The following CTXND2 variants were observed in gnomAD, a reference collection of about 807,000 sequenced individuals.
CTXND2 encodes cortexin domain containing 2.
chr1:150,903,605 C>G (rs587593945), intron 1 of CTXND2, among the ~76,000 whole-genome samples: 4 of 152,148 alleles, frequency 2.6e-5, no homozygotes, highest in African/African-American at 9.6e-5. Context: ...CAAGACCAGC[C>G]TGGCCAACAT....
chr1:150,911,174 C>G (rs997854818), intron 1 of CTXND2, among the ~76,000 whole-genome samples: 3 of 149,534 alleles, frequency 2.0e-5, no homozygotes, highest in Non-Finnish European at 4.4e-5. Flanking sequence ...TGTTGAACTC[C>G]TGACCTCAAG....
chr1:150,889,441 T>C (rs963435948), intron 1 of CTXND2, among the ~76,000 whole-genome samples: 9 of 151,872 alleles, frequency 5.9e-5, no homozygotes, highest in African/African-American at 1.9e-4. Flanking sequence ...AATAATTCTA[T>C]GAATGGCATC....
At chr1:150,905,045 G>A (rs1344789563) in intron 1 of CTXND2, among the ~76,000 whole-genome samples, 1 of 119,862 alleles carries the variant, frequency 8.3e-6, no homozygotes, top group African/African-American at 3.2e-5. Context: ...CATAAGACAA[G>A]ATAATCAAAA....
At chr1:150,904,228 CTTAT>C in intron 1 of CTXND2, 1 of 593,326 alleles carries the variant, frequency 1.7e-6, no homozygotes, top group Non-Finnish European at 3.1e-6. Flanking sequence ...TGGCCACTGC[CTTAT>C]TTATTACAAA....
At chr1:150,912,590 C>G (rs1225057042) in exon 2 of CTXND2, 1 of 397,104 alleles carries the variant, frequency 2.5e-6, no homozygotes, top group Admixed American at 4.4e-5. Context: ...CTCTTGCATT[C>G]CACAGTGAGA....
At chr1:150,905,769 T>G (rs1168526486) in intron 1 of CTXND2, among the ~76,000 whole-genome samples, 3 of 146,304 alleles carry the variant, frequency 2.1e-5, no homozygotes, top group African/African-American at 7.6e-5. Context: ...GACGGGCAGA[T>G]CACGAGGTCA....
chr1:150,898,933 T>A (rs71515779), intron 1 of CTXND2, among the ~76,000 whole-genome samples: 45,640 of 110,038 alleles, frequency 0.41, 7,824 homozygotes, highest in South Asian at 0.58. Flanking sequence ...AAAAAAAAAA[T>A]ATATATATAT....
intron 1 of CTXND2, among the ~76,000 whole-genome samples, chr1:150,887,537 T>C (rs1668789370): frequency 6.6e-6 from 1 of 152,114 alleles, no homozygotes; most frequent in Admixed American, 6.6e-5. Flanking sequence ...AAGCAACCCG[T>C]CTGTCTCAGC....
At chr1:150,907,919 C>G (rs1324520694) in intron 1 of CTXND2, among the ~76,000 whole-genome samples, 1 of 152,036 alleles carries the variant, frequency 6.6e-6, no homozygotes, top group Non-Finnish European at 1.5e-5. Flanking sequence ...CCGTGTTAGC[C>G]AGGATGGTCT....
intron 1 of CTXND2, among the ~76,000 whole-genome samples, chr1:150,901,411 T>C (rs1364922895): frequency 6.6e-6 from 1 of 152,210 alleles, no homozygotes; most frequent in South Asian, 2.1e-4. Flanking sequence ...CTGAAATTCA[T>C]GTGGAAACTC....
chr1:150,904,050 C>A (rs1669092200), intron 1 of CTXND2: 1 of 656,436 alleles, frequency 1.5e-6, no homozygotes, highest in African/African-American at 1.8e-5. Flanking sequence ...TACACAGATG[C>A]CAATAAGAAC....
rs188217266 is a variant in CTXND2 at position 150,894,007 on chromosome 1, G to T, written c.-74+6694G>T. Among the ~76,000 whole-genome samples, 8 of 151,414 alleles carry T rather than the reference G, an allele frequency of 5.3e-5. No homozygotes were observed. In the East Asian group the frequency reaches 1.6e-3, roughly 29 times the overall value. On this transcript the variant is annotated intron_variant, in intron 1 of 1. Transcript: ENST00000636087. ...TTCTTTTTTTTTAACCAGAGATGGG[G>T]GCGTCTCACTATGTTGCTCAGGCTG...
At chr1:150,907,692 G>C (rs1025093951) in intron 1 of CTXND2, among the ~76,000 whole-genome samples, 2 of 147,094 alleles carry the variant, frequency 1.4e-5, no homozygotes, top group African/African-American at 5.0e-5. Flanking sequence ...GAATTGCTGC[G>C]TCATATGGTG....
intron 1 of CTXND2, among the ~76,000 whole-genome samples, chr1:150,908,914 C>T (rs1669199293): frequency 1.3e-5 from 2 of 152,022 alleles, no homozygotes; most frequent in South Asian, 4.1e-4. Context: ...GCCACCGTGC[C>T]CAGCCCATTT....
At chr1:150,899,884 C>T (rs969715298) in intron 1 of CTXND2, among the ~76,000 whole-genome samples, 1 of 152,134 alleles carries the variant, frequency 6.6e-6, no homozygotes, top group Non-Finnish European at 1.5e-5. Context: ...ACTTTTCTGT[C>T]TAGCTAAAGG....
chr1:150,911,507 C>T (rs1025939211), intron 1 of CTXND2, among the ~76,000 whole-genome samples: 1 of 151,484 alleles, frequency 6.6e-6, no homozygotes, highest in African/African-American at 2.4e-5. Context: ...TCGGTCTCGG[C>T]TTACTGCAAA....
At chr1:150,900,126 T>G (rs1291117515) in intron 1 of CTXND2, among the ~76,000 whole-genome samples, 2 of 152,064 alleles carry the variant, frequency 1.3e-5, no homozygotes, top group Admixed American at 1.3e-4. Flanking sequence ...GGAGGCTGTA[T>G]TCTTTTGCTC....
intron 1 of CTXND2, among the ~76,000 whole-genome samples, chr1:150,895,327 C>CT (rs1296574825): frequency 3.3e-5 from 5 of 151,390 alleles, no homozygotes; most frequent in Non-Finnish European, 5.9e-5. Context: ...TTGGGGAAAT[C>CT]TTTTTTTTCT....
chr1:150,889,438 C>G (rs1486764938), intron 1 of CTXND2, among the ~76,000 whole-genome samples: 2 of 150,552 alleles, frequency 1.3e-5, no homozygotes, highest in Non-Finnish European at 3.0e-5. Context: ...ATAAATAATT[C>G]TATGAATGGC....
Sources: allele counts gnomAD v4.1 joint callset (sites outside exome capture counted in the v4.1 genomes callset), GRCh38; gene constraint gnomAD v4.1.1; transcripts MANE v1.5; gene names NCBI Gene and HGNC (gene_info 2026-07-23, HGNC 2026-07-21).